The following DCT variants were observed in gnomAD, a reference collection of about 807,000 sequenced individuals.
DCT encodes the protein L-dopachrome tautomerase.
Under a neutral mutation model 53.0 loss-of-function variants are expected in DCT, and 47 were observed. The observed-to-expected ratio is 0.89, with a 90% CI of 0.70 to 1.13. The LOEUF is 1.13. DCT is among the 50% of genes most tolerant of loss of function. The probability of loss-of-function intolerance (pLI) is 0.00; values close to 1 mark genes in which losing one functional copy is unlikely to be tolerated. For missense variants in DCT, 669 were observed against 637.4 expected, an observed-to-expected ratio of 1.05 and a Z score of -0.53; for synonymous variants, 244 against 237.0, an observed-to-expected ratio of 1.03 and a Z score of -0.27.
chr13:94,452,581 C>T lies in DCT; in HGVS notation c.1179+7510G>A, dbSNP rs549489038. On this transcript the variant is annotated intron_variant, in intron 6 of 7. Coordinates refer to ENST00000377028, the MANE Select transcript of DCT (RefSeq NM_001922.5). ...CAAATGCATTTTTTTACCCTTTAAG[C>T]CAGGGATTCTATTCTCTTTACTTAC... is the stretch of plus-strand genomic sequence containing the variant. 8.7e-5 allele frequency: 65 copies of T among 748,256 alleles called. 1 individual carries two copies. The South Asian group carries it at 8.8e-4, about 10-fold the overall frequency. The allele number at this position is 748,256 out of a possible 1,614,324, so 46.4% of individuals were successfully genotyped here. A position where few individuals can be genotyped will look rare whatever the true frequency, so the allele number is the denominator to read the frequency against.
At chr13:94,503,843 C>T in the DCT span, among the ~76,000 whole-genome samples, 57,698 of 151,974 alleles carry the variant, frequency 0.38, 11,425 homozygotes, top group East Asian at 0.61. Flanking sequence ...GGTACATACC[C>T]ATTATTCTCT....
At chr13:94,523,211 A>T in the DCT span, among the ~76,000 whole-genome samples, 1 of 152,206 alleles carries the variant, frequency 6.6e-6, no homozygotes, top group Non-Finnish European at 1.5e-5. Context: ...AGCCATACTG[A>T]CTTCTGATTA....
the DCT span, among the ~76,000 whole-genome samples, chr13:94,545,591 C>T: frequency 3.3e-5 from 5 of 152,064 alleles, no homozygotes; most frequent in African/African-American, 1.2e-4. Flanking sequence ...CCAACAGCCT[C>T]CAATCAGGGC....
rs1323921894 is a variant in DCT, at chr13:94,468,954, G to A, written c.387C>T (p.Asn129=). 1.2e-6 allele frequency: 2 copies of A among 1,613,988 alleles called. No homozygotes were observed. The highest frequency in any genetic ancestry group is 2.7e-5 in the African/African-American group (2 of 74,912). ...TTTCCTGAGGACTCAAGGAATGGAT[G>A]TTCTGCCGAATCACTGGTGGTTTCT... ...ERKKPPVIRQ[N]IHSLSPQERE... Residue 129 remains asparagine (N), a synonymous_variant, in exon 2 of 8, where the codon AAC becomes AAT. Coordinates refer to ENST00000377028, the MANE Select transcript of DCT (RefSeq NM_001922.5).
In DCT at chr13:94,466,671, G is replaced by T. The variant is rs1449402447; in HGVS notation, c.596-13C>A. On this transcript the variant is annotated splice_polypyrimidine_tract_variant and intron_variant, in intron 2 of 7. Coordinates refer to ENST00000377028, the MANE Select transcript of DCT (RefSeq NM_001922.5). ...GGGCGTCCTGGTCCTGAAACAATTG[G>T]GAAACATATTAGAGATGACAGAATA... The T allele has an allele frequency of 1.3e-6, 2 of 1,546,892 alleles. No individual in the cohort carries two copies. The highest frequency in any genetic ancestry group is 1.2e-5 in the South Asian group (1 of 85,140).
At chr13:94,475,715 G>A (rs1390059066) in intron 1 of DCT, among the ~76,000 whole-genome samples, 1 of 152,154 alleles carries the variant, frequency 6.6e-6, no homozygotes. Context: ...AAAGAACCAC[G>A]AGGAACCTTT....
At chr13:94,490,590 T>C in the DCT span, among the ~76,000 whole-genome samples, 1 of 149,850 alleles carries the variant, frequency 6.7e-6, no homozygotes, top group African/African-American at 2.5e-5. Context: ...TTCTTCTCAT[T>C]GAATCTCACC....
chr13:94,481,342 G>A (rs574834509), upstream of DCT, among the ~76,000 whole-genome samples: 26 of 152,248 alleles, frequency 1.7e-4, no homozygotes, highest in African/African-American at 4.8e-4. Context: ...CATCATGGGT[G>A]GGAAGAAACT....
chr13:94,515,045 G>A, the DCT span, among the ~76,000 whole-genome samples: 1 of 152,168 alleles, frequency 6.6e-6, no homozygotes, highest in Non-Finnish European at 1.5e-5. Context: ...AAAAGAGACT[G>A]CAGAAAAATC....
Position 94,437,492 on chromosome 13 carries a change from C to T in DCT, c.*2406G>A, listed in dbSNP as rs1881973545. On this transcript the variant is annotated 3_prime_UTR_variant, in exon 8 of 8. Transcript: ENST00000377028. ...AAGGAAAGATGTTATTGCATTTTAT[C>T]CCATTTCTGAATGTTAGCTTTATAA... 6.6e-6 allele frequency: 1 copy of T among 152,078 alleles called. No individual in the cohort carries two copies. Among genetic ancestry groups the T allele is most frequent in the Non-Finnish European group, 1.5e-5 (1 of 67,986 alleles). The allele number at this position is 152,078 out of a possible 1,614,324, so 9.4% of individuals were successfully genotyped here. A position where few individuals can be genotyped will look rare whatever the true frequency, so the allele number is the denominator to read the frequency against.
chr13:94,515,431 C>T, the DCT span, among the ~76,000 whole-genome samples: 3 of 152,306 alleles, frequency 2.0e-5, no homozygotes, highest in East Asian at 5.8e-4. Flanking sequence ...ATTTGGAAAC[C>T]AATTGGATGC....
chr13:94,513,329 A>G, the DCT span, among the ~76,000 whole-genome samples: 1 of 152,172 alleles, frequency 6.6e-6, no homozygotes. Flanking sequence ...TGGGCATATA[A>G]ATTACTCTCT....
At position 94,468,412 on chromosome 13, in the gene DCT, G is replaced by A. The variant is rs544279319; in HGVS notation, c.595+334C>T. 2.7e-5 allele frequency: 6 copies of A among 224,152 alleles called. 1 individual carries two copies. The highest frequency in any genetic ancestry group is 1.7e-4 in the South Asian group (2 of 11,628). 13.9% of individuals were successfully genotyped at this position (224,152 alleles called of 1,614,324 possible). On this transcript the variant is annotated intron_variant, in intron 2 of 7. Coordinates refer to ENST00000377028, the MANE Select transcript of DCT (RefSeq NM_001922.5). ...AGAGAGGGCTTCCATGGCCAGATTC[G>A]CAAATATTTTCTTCTGAAATCAAAA...
At chr13:94,450,362 G>A (rs578160965) in intron 6 of DCT, among the ~76,000 whole-genome samples, 12 of 152,236 alleles carry the variant, frequency 7.9e-5, no homozygotes, top group African/African-American at 2.6e-4. Flanking sequence ...CAGGCAGGGC[G>A]CAGCAAGGAT....
chr13:94,443,745 C>CT, intron 6 of DCT, 108 bp from the exon 7 acceptor site: 1 of 865,000 alleles, frequency 1.2e-6, no homozygotes. Flanking sequence ...GACATAGGAA[C>CT]TTCTGTATAC....
the DCT span, among the ~76,000 whole-genome samples, chr13:94,525,933 G>A: frequency 2.0e-5 from 3 of 152,328 alleles, no homozygotes; most frequent in East Asian, 1.9e-4. Flanking sequence ...CTGCATACAC[G>A]TGTTGCTTCT....
At chr13:94,471,921 TG>T (rs1031706616) in intron 1 of DCT, among the ~76,000 whole-genome samples, 1 of 152,166 alleles carries the variant, frequency 6.6e-6, no homozygotes, top group Admixed American at 6.5e-5. Flanking sequence ...GATTGCAGAG[TG>T]TGGGGGAGAA....
the DCT span, among the ~76,000 whole-genome samples, chr13:94,521,541 G>C: frequency 6.6e-6 from 1 of 152,156 alleles, no homozygotes; most frequent in Non-Finnish European, 1.5e-5. Flanking sequence ...GTGGTGGCCT[G>C]TGCCTGTAGT....
the DCT span, among the ~76,000 whole-genome samples, chr13:94,516,411 T>C: frequency 6.6e-6 from 1 of 152,096 alleles, no homozygotes; most frequent in East Asian, 1.9e-4. Context: ...CTAAGTGAAA[T>C]CAACAATTTT....
Sources: allele counts gnomAD v4.1 joint callset (sites outside exome capture counted in the v4.1 genomes callset), GRCh38; gene constraint gnomAD v4.1.1; transcripts MANE v1.5; gene names NCBI Gene and HGNC (gene_info 2026-07-23, HGNC 2026-07-21).